The following CNTNAP2 variants were observed in gnomAD, a reference collection of about 807,000 sequenced individuals.
CNTNAP2 encodes the protein contactin associated protein 2, also known as contactin-associated protein-like 2.
Under a neutral mutation model 155.2 loss-of-function variants are expected in CNTNAP2, and 98 were observed. The ratio of observed to expected loss-of-function variants is 0.63; its 90% confidence interval spans 0.54 to 0.75. The LOEUF (loss-of-function observed/expected upper bound fraction) is 0.75, where lower values mean the gene tolerates loss of function less well. Among genes scored for constraint, CNTNAP2 ranks in the 30% least tolerant of loss-of-function variants. The probability of loss-of-function intolerance (pLI) is 0.00; values close to 1 mark genes in which losing one functional copy is unlikely to be tolerated. For missense variants in CNTNAP2, 1,727 were observed against 1,688.1 expected (o/e 1.02, Z -0.40); for synonymous variants, 651 against 631.2 (o/e 1.03, Z -0.47).
At chr7:146,620,647 A>G (rs1045227530) in intron 1 of CNTNAP2, among the ~76,000 whole-genome samples, 1 of 152,170 alleles carries the variant, frequency 6.6e-6, no homozygotes, top group African/African-American at 2.4e-5. Flanking sequence ...TATATCCCAC[A>G]TGTATTATGC....
chr7:146,685,653 TAAC>T (rs1263399690), intron 1 of CNTNAP2, among the ~76,000 whole-genome samples: 1 of 152,086 alleles, frequency 6.6e-6, no homozygotes. Context: ...TACGTAGTAA[TAAC>T]AATGTGGAAA....
intron 12 of CNTNAP2, among the ~76,000 whole-genome samples, chr7:147,566,326 G>C (rs1263031962): frequency 1.6e-5 from 2 of 125,638 alleles, no homozygotes; most frequent in African/African-American, 6.0e-5. Context: ...GGAGGAGGAG[G>C]GGTAGAGGGA....
chr7:147,782,829 G>T (rs902459619), intron 13 of CNTNAP2, among the ~76,000 whole-genome samples: 1 of 152,074 alleles, frequency 6.6e-6, no homozygotes. Context: ...CTACAATCAG[G>T]TTGTATAGTA....
chr7:147,200,958 G>A (rs1284747620), intron 8 of CNTNAP2, among the ~76,000 whole-genome samples: 1 of 152,158 alleles, frequency 6.6e-6, no homozygotes, highest in Non-Finnish European at 1.5e-5. Context: ...TCAACTGAGG[G>A]TCATGTTAGT....
chr7:148,064,165 A>T (rs1272098676), intron 15 of CNTNAP2, among the ~76,000 whole-genome samples: 1 of 152,056 alleles, frequency 6.6e-6, no homozygotes, highest in African/African-American at 2.4e-5. Flanking sequence ...ACGTAATGTA[A>T]TGCCTCCAGA....
chr7:147,115,481 C>T (rs1800967379), intron 5 of CNTNAP2, among the ~76,000 whole-genome samples: 1 of 152,186 alleles, frequency 6.6e-6, no homozygotes. Flanking sequence ...AGTTTCTTTA[C>T]ATAATTCCAT....
intron 1 of CNTNAP2, among the ~76,000 whole-genome samples, chr7:146,585,282 T>C (rs944681733): frequency 5.9e-5 from 9 of 151,944 alleles, no homozygotes; most frequent in Admixed American, 2.0e-4. Context: ...CCACCACACC[T>C]GGCTAATTTT....
intron 14 of CNTNAP2, among the ~76,000 whole-genome samples, chr7:147,931,262 GACAA>G (rs1291141255): frequency 2.3e-4 from 34 of 146,710 alleles, no homozygotes; most frequent in African/African-American, 5.3e-4. Context: ...AAACAAAATT[GACAA>G]ACTAAAAAAA....
chr7:148,350,712 C>G lies in CNTNAP2; in HGVS notation c.3476-32937C>G, dbSNP rs573761894. On this transcript the variant is annotated intron_variant, in intron 21 of 23. Transcript: ENST00000361727. The stretch of plus-strand genomic sequence containing the variant: ...TTATTTCTTGTAAGCGTTCTTGTTG[C>G]AGTCATATATTTCGTGGTTTCATTA... Among the ~76,000 whole-genome samples the G allele has an allele frequency of 2.3e-4, 35 of 152,302 alleles. 1 individual carries two copies. In the South Asian group the frequency reaches 6.8e-3, roughly 30 times the overall value.
intron 12 of CNTNAP2, among the ~76,000 whole-genome samples, chr7:147,562,687 C>T (rs2240376): frequency 0.45 from 68,398 of 151,948 alleles, 15,591 homozygotes; most frequent in East Asian, 0.61. Context: ...CTTTCTAAGT[C>T]CTGAAATCCC....
At chr7:146,808,055 G>A (rs1802999594) in intron 2 of CNTNAP2, among the ~76,000 whole-genome samples, 1 of 152,172 alleles carries the variant, frequency 6.6e-6, no homozygotes, top group Admixed American at 6.5e-5. Context: ...TGTTTCTGCT[G>A]CAGCCTACAA....
At chr7:147,877,461 T>C (rs1469601979) in intron 13 of CNTNAP2, among the ~76,000 whole-genome samples, 1 of 152,210 alleles carries the variant, frequency 6.6e-6, no homozygotes, top group Non-Finnish European at 1.5e-5. Context: ...AACTAGAGAA[T>C]ACTTAACTAA....
intron 1 of CNTNAP2, among the ~76,000 whole-genome samples, chr7:146,304,368 T>C (rs1363460799): frequency 5.3e-5 from 8 of 152,132 alleles, no homozygotes; most frequent in Non-Finnish European, 1.2e-4. Context: ...CTAGCATTGA[T>C]GGTCTTTACA....
chr7:146,257,737 A>G (rs2129080942), intron 1 of CNTNAP2, among the ~76,000 whole-genome samples: 1 of 152,318 alleles, frequency 6.6e-6, no homozygotes, highest in South Asian at 2.1e-4. Context: ...TTCAGGTGAT[A>G]ATAAGGTCAC....
At chr7:147,228,939 G>A (rs1000128597) in intron 8 of CNTNAP2, among the ~76,000 whole-genome samples, 6 of 152,026 alleles carry the variant, frequency 3.9e-5, no homozygotes, top group African/African-American at 1.4e-4. Flanking sequence ...ATTTTGCTGA[G>A]AATGATGGTT....
chr7:147,441,778 C>T (rs1430236258), intron 10 of CNTNAP2, among the ~76,000 whole-genome samples: 3 of 150,210 alleles, frequency 2.0e-5, no homozygotes, highest in Non-Finnish European at 4.4e-5. Context: ...CTCTTGTTCT[C>T]TTCCCTTACT....
In CNTNAP2 at chr7:147,705,399, G is replaced by T. The variant is rs562593364; in HGVS notation, c.2098+66093G>T. On this transcript the variant is annotated intron_variant, in intron 13 of 23. Transcript: ENST00000361727. ...TACTGATTTCTAGTTTTATTCCATT[G>T]TGATCTGAGAAGATACTTGATATAA... 1.8e-3 allele frequency among the ~76,000 whole-genome samples: 278 copies of T among 152,084 alleles called. 2 individuals carry two copies. The highest frequency in any genetic ancestry group is 1.8e-3 in the Non-Finnish European group (119 of 67,982).
chr7:146,157,705 T>A (rs916574488), intron 1 of CNTNAP2, among the ~76,000 whole-genome samples: 3 of 152,140 alleles, frequency 2.0e-5, no homozygotes, highest in Non-Finnish European at 4.4e-5. Flanking sequence ...CTGCCACTGC[T>A]GAGGCTTGAG....
chr7:147,855,330 A>G (rs1442243604), intron 13 of CNTNAP2, among the ~76,000 whole-genome samples: 3 of 152,146 alleles, frequency 2.0e-5, no homozygotes, highest in Non-Finnish European at 4.4e-5. Flanking sequence ...CTTAAGTGGA[A>G]GAAATCTCCC....
Sources: gnomAD v4.1 joint callset for allele counts (sites outside exome capture counted in the v4.1 genomes callset) on GRCh38, gnomAD v4.1.1 for gene constraint, MANE v1.5 for transcripts, NCBI Gene and HGNC (gene_info 2026-07-23, HGNC 2026-07-21) for gene names.